The following SYN3 variants were observed in gnomAD, a reference collection of about 807,000 sequenced individuals.
SYN3 encodes synapsin-3.
Under a neutral mutation model 65.8 loss-of-function variants are expected in SYN3, and 35 were observed. That is an observed-to-expected ratio of 0.53 (90% CI 0.41 to 0.70). The LOEUF (loss-of-function observed/expected upper bound fraction) is 0.70. Ranked by LOEUF, SYN3 falls within the 30% of genes least tolerant of loss-of-function variation. The probability of loss-of-function intolerance (pLI) is 0.00; values close to 1 mark genes in which losing one functional copy is unlikely to be tolerated. For missense variants in SYN3, 680 were observed against 749.0 expected, an observed-to-expected ratio of 0.91 and a Z score of 1.08; for synonymous variants, 270 against 292.9, an observed-to-expected ratio of 0.92 and a Z score of 0.80.
At chr22:33,035,484 AG>A (rs2053843647) in intron 1 of SYN3, among the ~76,000 whole-genome samples, 2 of 152,316 alleles carry the variant, frequency 1.3e-5, no homozygotes, top group East Asian at 1.9e-4. Context: ...GCATCTGCAA[AG>A]GACTGCCCCC....
At chr22:33,005,405 G>A (rs2053171094) in intron 2 of SYN3, among the ~76,000 whole-genome samples, 1 of 152,222 alleles carries the variant, frequency 6.6e-6, no homozygotes, top group Non-Finnish European at 1.5e-5. Flanking sequence ...CAGCTAGACT[G>A]ATAACATTTA....
chr22:32,646,507 T>C (rs112760372), intron 6 of SYN3, among the ~76,000 whole-genome samples: 7 of 152,348 alleles, frequency 4.6e-5, no homozygotes, highest in Admixed American at 2.0e-4. Flanking sequence ...TATTTACACC[T>C]GAGTTTTAAA....
intron 6 of SYN3, among the ~76,000 whole-genome samples, chr22:32,638,671 TG>T (rs1452714647): frequency 6.6e-6 from 1 of 152,228 alleles, no homozygotes; most frequent in African/African-American, 2.4e-5. Context: ...ATCGGTTTTT[TG>T]GTTGTTCAAT....
chr22:32,891,285 C>A (rs1601633116), intron 4 of SYN3, among the ~76,000 whole-genome samples: 1 of 152,178 alleles, frequency 6.6e-6, no homozygotes, highest in Admixed American at 6.5e-5. Context: ...CTTTTGATGA[C>A]ATTCTCGAAA....
At chr22:32,781,043 CCCTCCCTCCCTCCCTCCCTT>C (rs1260271668) in intron 6 of SYN3, among the ~76,000 whole-genome samples, 25 of 65,608 alleles carry the variant, frequency 3.8e-4, no homozygotes, top group South Asian at 1.5e-3. Context: ...TCTTTCTTTC[CCCTCCCTCCCTCCCTCCCTT>C]CCTCCCTCCC....
chr22:32,964,419 TAA>T (rs201659599), intron 3 of SYN3, among the ~76,000 whole-genome samples: 55,150 of 128,622 alleles, frequency 0.43, 10,637 homozygotes, highest in East Asian at 0.56. Context: ...TAAAGTATAA[TAA>T]AAAAAAAAAA....
chr22:32,589,884 G>C (rs1229653054), intron 7 of SYN3, among the ~76,000 whole-genome samples: 1 of 152,158 alleles, frequency 6.6e-6, no homozygotes, highest in Non-Finnish European at 1.5e-5. Context: ...GTGCAGCCCA[G>C]AACACCAGAA....
chr22:32,669,573 TG>T (rs1377114754), intron 6 of SYN3, among the ~76,000 whole-genome samples: 160 of 152,352 alleles, frequency 1.1e-3, no homozygotes, highest in African/African-American at 3.7e-3. Flanking sequence ...TGGCAGAATC[TG>T]TAAAAGAAGA....
chr22:32,554,781 C>A (rs1034387023), intron 7 of SYN3, among the ~76,000 whole-genome samples: 6 of 152,188 alleles, frequency 3.9e-5, no homozygotes, highest in African/African-American at 1.2e-4. Flanking sequence ...GCGAGACACA[C>A]CCTTCTCTAG....
chr22:32,547,356 C>T (rs1047508000), intron 7 of SYN3, among the ~76,000 whole-genome samples: 1 of 151,752 alleles, frequency 6.6e-6, no homozygotes, highest in Non-Finnish European at 1.5e-5. Flanking sequence ...TTCCTTGTTG[C>T]TTACTTCTTC....
intron 3 of SYN3, among the ~76,000 whole-genome samples, chr22:32,949,395 G>A (rs1250270086): frequency 6.6e-6 from 1 of 151,780 alleles, no homozygotes; most frequent in African/African-American, 2.4e-5. Context: ...CGGCCTGGGA[G>A]ACAGAGCGAG....
chr22:32,854,744 G>A (rs1411371124), intron 6 of SYN3, among the ~76,000 whole-genome samples: 1 of 152,128 alleles, frequency 6.6e-6, no homozygotes, highest in African/African-American at 2.4e-5. Flanking sequence ...GAGTGTGGAC[G>A]GCACTTCTTC....
chr22:32,733,348 G>A (rs2061295856), intron 6 of SYN3, among the ~76,000 whole-genome samples: 1 of 152,218 alleles, frequency 6.6e-6, no homozygotes, highest in African/African-American at 2.4e-5. Flanking sequence ...GGCCTAAAAT[G>A]CTGCTCAAGT....
At chr22:32,861,470 C>T (rs1185554335) in intron 6 of SYN3, 4 of 152,232 alleles carry the variant, frequency 2.6e-5, no homozygotes, top group Non-Finnish European at 5.9e-5. Flanking sequence ...TTATTTTAAC[C>T]TCAAGGTCTC....
intron 1 of SYN3, among the ~76,000 whole-genome samples, chr22:33,053,899 A>T (rs1269921252): frequency 1.3e-5 from 2 of 152,200 alleles, no homozygotes; most frequent in Admixed American, 1.3e-4. Flanking sequence ...GTGAATACTC[A>T]ATCATGACCA....
chr22:32,546,933 T>A lies in SYN3; in HGVS notation c.775-5220A>T, dbSNP rs535002076. ...TTCTCACTCTCTCCTCCCTCCCTTT[T>A]CTCCCCTTTCCTCTAACACTCCTTG... On this transcript the variant is annotated intron_variant, in intron 7 of 13. Coordinates refer to ENST00000358763, the MANE Select transcript of SYN3 (RefSeq NM_003490.4). 4.7e-4 allele frequency among the ~76,000 whole-genome samples: 30 copies of A among 63,924 alleles called. No individual in the cohort carries two copies. The East Asian group carries it at 0.028, about 59-fold the overall frequency. The allele number at this position is 63,924 out of a possible 152,430, so 41.9% of individuals were successfully genotyped here. A position where few individuals can be genotyped will look rare whatever the true frequency, so the allele number is the denominator to read the frequency against.
rs939355802 is a variant in SYN3 at position 32,865,069 on chromosome 22, T to A, written c.622-65A>T. ...ACCCAGTATAACAAAACCTCCCACT[T>A]GATCTGAGGCCTCAAGCATCTGACT... On this transcript the variant is annotated intron_variant, in intron 5 of 13. Coordinates refer to ENST00000358763, the MANE Select transcript of SYN3 (RefSeq NM_003490.4). 3.1e-6 allele frequency: 4 copies of A among 1,302,336 alleles called. No homozygotes were observed. In the African/African-American group the frequency reaches 5.8e-5, roughly 19 times the overall value. 80.7% of individuals were successfully genotyped at this position (1,302,336 alleles called of 1,614,324 possible).
At chr22:32,643,549 T>TGGGGG (rs34967500) in intron 6 of SYN3, among the ~76,000 whole-genome samples, 2 of 4,516 alleles carry the variant, frequency 4.4e-4, no homozygotes, top group African/African-American at 1.4e-3. Context: ...TTAGAAATGG[T>TGGGGG]GGGGGGGCGG....
chr22:32,923,288 C>G (rs1330417591), intron 4 of SYN3, among the ~76,000 whole-genome samples: 3 of 152,318 alleles, frequency 2.0e-5, no homozygotes, highest in East Asian at 3.9e-4. Context: ...AGCTCTTCCT[C>G]TGTCTTTTTG....
Sources: gnomAD v4.1 joint callset for allele counts (sites outside exome capture counted in the v4.1 genomes callset) on GRCh38, gnomAD v4.1.1 for gene constraint, MANE v1.5 for transcripts, NCBI Gene and HGNC (gene_info 2026-07-23, HGNC 2026-07-21) for gene names.